The following CDH13 variants were observed in gnomAD, a reference collection of about 807,000 sequenced individuals.
The protein encoded by CDH13 is cadherin 13.
A neutral mutation model predicts 63.8 loss-of-function variants in CDH13; 24 were observed. The observed-to-expected ratio is 0.38, with a 90% CI of 0.27 to 0.53. The LOEUF (loss-of-function observed/expected upper bound fraction) is 0.53, where lower values mean the gene tolerates loss of function less well. Among genes scored for constraint, CDH13 ranks in the 20% least tolerant of loss-of-function variants. CDH13 has a pLI of 0.85. For missense variants in CDH13, 1,049 were observed against 903.1 expected (o/e 1.16, Z -2.07); for synonymous variants, 503 against 355.3 (o/e 1.42, Z -4.67).
At chr16:83,551,879 T>G (rs1369450359) in intron 7 of CDH13, among the ~76,000 whole-genome samples, 2 of 152,174 alleles carry the variant, frequency 1.3e-5, no homozygotes, top group Non-Finnish European at 2.9e-5. Context: ...GGCACATAAT[T>G]ACTTAATGTT....
At chr16:83,713,888 C>G (rs1442933557) in intron 10 of CDH13, among the ~76,000 whole-genome samples, 2 of 152,212 alleles carry the variant, frequency 1.3e-5, no homozygotes, top group East Asian at 1.9e-4. Context: ...ACATTACTCT[C>G]AAAGAGGCTT....
chr16:83,090,782 G>A (rs2033868928), intron 3 of CDH13, among the ~76,000 whole-genome samples: 1 of 151,688 alleles, frequency 6.6e-6, no homozygotes, highest in Non-Finnish European at 1.5e-5. Context: ...TTGGTTTATA[G>A]ACCAGACTTC....
At chr16:82,811,020 A>G (rs1279156865) in intron 1 of CDH13, among the ~76,000 whole-genome samples, 1 of 152,154 alleles carries the variant, frequency 6.6e-6, no homozygotes, top group Non-Finnish European at 1.5e-5. Context: ...GATCCTGTTC[A>G]GGTGCATAGA....
chr16:83,008,732 C>T (rs939979315), intron 2 of CDH13, among the ~76,000 whole-genome samples: 2 of 152,272 alleles, frequency 1.3e-5, no homozygotes, highest in East Asian at 1.9e-4. Context: ...TGTGCCAGAA[C>T]GAGGCCTTCC....
At chr16:83,043,723 G>GTGGTGCA (rs1349462897) in intron 3 of CDH13, among the ~76,000 whole-genome samples, 11 of 151,876 alleles carry the variant, frequency 7.2e-5, no homozygotes, top group Non-Finnish European at 1.5e-4. Context: ...GCTGGGCATG[G>GTGGTGCA]TGGTGCATGC....
chr16:83,634,109 T>G (rs918770877), intron 8 of CDH13, among the ~76,000 whole-genome samples: 1 of 127,904 alleles, frequency 7.8e-6, no homozygotes, highest in African/African-American at 3.0e-5. Flanking sequence ...CCCATTTTTG[T>G]GTGTTTTCTG....
At chr16:83,411,846 T>A (rs570679826) in intron 6 of CDH13, among the ~76,000 whole-genome samples, 1 of 152,328 alleles carries the variant, frequency 6.6e-6, no homozygotes, top group South Asian at 2.1e-4. Flanking sequence ...TGACTTCTCA[T>A]TTAGTCCTCA....
chr16:82,711,155 G>A (rs139780673), intron 1 of CDH13, among the ~76,000 whole-genome samples: 1 of 152,248 alleles, frequency 6.6e-6, no homozygotes, highest in Admixed American at 6.5e-5. Flanking sequence ...AAAGGGCCGC[G>A]TGGCAGTGAC....
chr16:82,628,743 A>AC (rs1289113330), intron 1 of CDH13, among the ~76,000 whole-genome samples: 1 of 151,894 alleles, frequency 6.6e-6, no homozygotes, highest in East Asian at 1.9e-4. Flanking sequence ...TACCCTAGAG[A>AC]CCCCAAGGCT....
intron 7 of CDH13, among the ~76,000 whole-genome samples, chr16:83,510,934 T>C (rs1225746816): frequency 6.6e-6 from 1 of 152,272 alleles, no homozygotes; most frequent in African/African-American, 2.4e-5. Context: ...AACTTTAGAC[T>C]GAGAGAAGAC....
chr16:83,171,356 C>G (rs2037908518), intron 4 of CDH13, among the ~76,000 whole-genome samples: 1 of 152,074 alleles, frequency 6.6e-6, no homozygotes, highest in Non-Finnish European at 1.5e-5. Context: ...AGGATGCACC[C>G]CCATGATCCA....
At chr16:83,415,213 T>G (rs908024092) in intron 6 of CDH13, among the ~76,000 whole-genome samples, 2 of 151,910 alleles carry the variant, frequency 1.3e-5, no homozygotes, top group Non-Finnish European at 2.9e-5. Context: ...ACATACAACC[T>G]ACCAAGATTA....
chr16:83,250,313 G>C (rs947508963), intron 5 of CDH13, among the ~76,000 whole-genome samples: 2 of 152,068 alleles, frequency 1.3e-5, no homozygotes, highest in Non-Finnish European at 2.9e-5. Flanking sequence ...CCTGATTTAT[G>C]CCAGCCACCG....
intron 6 of CDH13, among the ~76,000 whole-genome samples, chr16:83,475,046 C>G (rs1272597625): frequency 1.3e-5 from 2 of 152,246 alleles, no homozygotes; most frequent in Non-Finnish European, 2.9e-5. Flanking sequence ...CCATCTGGCT[C>G]CTGGCTCTTG....
At chr16:82,885,625 G>A (rs181936810) in intron 2 of CDH13, among the ~76,000 whole-genome samples, 5 of 151,908 alleles carry the variant, frequency 3.3e-5, no homozygotes, top group Non-Finnish European at 7.4e-5. Flanking sequence ...CTATCTATCT[G>A]TATATTCTTT....
At chr16:82,627,984 G>T (rs1228892543) in intron 1 of CDH13, among the ~76,000 whole-genome samples, 6 of 152,266 alleles carry the variant, frequency 3.9e-5, no homozygotes, top group Admixed American at 3.9e-4. Context: ...GCGCCACGGC[G>T]CGAGGGAAGG....
chr16:83,705,432 C>A (rs1906879087), intron 10 of CDH13, among the ~76,000 whole-genome samples: 1 of 152,022 alleles, frequency 6.6e-6, no homozygotes. Flanking sequence ...ACCATCCTGG[C>A]TAACACGGTG....
In CDH13 at chr16:83,337,621, A is replaced by ATTTTTTTTT. The variant is rs66957563; in HGVS notation, c.637-7220_637-7212dup. 1.3e-3 allele frequency among the ~76,000 whole-genome samples: 67 copies of ATTTTTTTTT among 52,288 alleles called. 12 individuals are homozygous for ATTTTTTTTT. The highest frequency in any genetic ancestry group is 9.2e-3 in the East Asian group (12 of 1,304). The allele number at this position is 52,288 out of a possible 152,430, so 34.3% of individuals were successfully genotyped here. On this transcript the variant is annotated intron_variant, in intron 5 of 13. Transcript: ENST00000567109. Reference sequence around the variant, plus strand: ...ATTTGAGAATTAAATTGACAAGCGTATTTTTTTTTTTTTTTTTTTTTTTTT... The same window carrying ATTTTTTTTT: ...ATTTGAGAATTAAATTGACAAGCGTATTTTTTTTTTTTTTTTTTTTTTTTTTTTTTTTTT...
intron 3 of CDH13, among the ~76,000 whole-genome samples, chr16:83,100,935 C>T (rs2034444965): frequency 6.6e-6 from 1 of 152,120 alleles, no homozygotes; most frequent in Non-Finnish European, 1.5e-5. Flanking sequence ...GTGAAAGTTG[C>T]ATAATAGATA....
Sources: allele counts gnomAD v4.1 joint callset (sites outside exome capture counted in the v4.1 genomes callset), GRCh38; gene constraint gnomAD v4.1.1; transcripts MANE v1.5; gene names NCBI Gene and HGNC (gene_info 2026-07-23, HGNC 2026-07-21).